The following RABGAP1L variants were observed in gnomAD, a reference collection of about 807,000 sequenced individuals.
RABGAP1L encodes the protein rab GTPase-activating protein 1-like.
RABGAP1L carries 63 observed loss-of-function variants against 137.7 expected under a neutral mutation model. That is an observed-to-expected ratio of 0.46 (90% CI 0.37 to 0.56). The LOEUF is 0.56. Ranked by LOEUF, RABGAP1L falls within the 20% of genes least tolerant of loss-of-function variation. The pLI is 0.00. For synonymous variants in RABGAP1L, 431 were observed against 433.7 expected (o/e 0.99, Z 0.08); for missense variants, 1,095 against 1,244.0 (o/e 0.88, Z 1.80).
chr1:174,211,332 A>G (rs2148432093), intron 1 of RABGAP1L, among the ~76,000 whole-genome samples: 1 of 152,314 alleles, frequency 6.6e-6, no homozygotes, highest in South Asian at 2.1e-4. Flanking sequence ...ACAAGAAAAG[A>G]TTAAGCAGGG....
Position 174,923,210 on chromosome 1 carries a change from ATATGCTTAT to A in RABGAP1L, c.2341-34246_2341-34238del, listed in dbSNP as rs571094062. 4.4e-4 allele frequency among the ~76,000 whole-genome samples: 67 copies of A among 152,204 alleles called. No homozygotes were observed. In the South Asian group the frequency reaches 0.013, roughly 31 times the overall value. ...AGAAATAAATAAGGTAAGGTGTGTT[ATATGCTTAT>A]AATAGCACATGGGACATAGGAAATC... On this transcript the variant is annotated intron_variant, in intron 19 of 25. Transcript: ENST00000681986.
chr1:174,718,638 A>T (rs1279561966), intron 17 of RABGAP1L, among the ~76,000 whole-genome samples: 2 of 152,122 alleles, frequency 1.3e-5, no homozygotes, highest in Non-Finnish European at 1.5e-5. Context: ...TAATGGCAAT[A>T]AAACGTTCCT....
chr1:174,751,004 T>G (rs1335154986), intron 17 of RABGAP1L, among the ~76,000 whole-genome samples: 1 of 152,188 alleles, frequency 6.6e-6, no homozygotes, highest in African/African-American at 2.4e-5. Flanking sequence ...ATAGTCTTTT[T>G]TTTCTAATTG....
At position 174,383,560 on chromosome 1, in the gene RABGAP1L, C is replaced by T. The variant is rs918716151; in HGVS notation, c.1560-10435C>T. On this transcript the variant is annotated intron_variant, in intron 12 of 25. Transcript: ENST00000681986. ...TGGGAGTGACCCGATTTTCCAGGTG[C>T]GTCCGTCACCGCTTTCTTTGACTGG... is the stretch of plus-strand genomic sequence containing the variant. Among the ~76,000 whole-genome samples the T allele has an allele frequency of 7.2e-5, 11 of 152,254 alleles. No individual in the cohort carries two copies. The East Asian group carries it at 9.7e-4, about 13-fold the overall frequency.
At chr1:174,301,559 C>T (rs1275824968) in intron 10 of RABGAP1L, among the ~76,000 whole-genome samples, 1 of 151,690 alleles carries the variant, frequency 6.6e-6, no homozygotes, top group Non-Finnish European at 1.5e-5. Flanking sequence ...GTTCTTGTCC[C>T]ATGACCAAGA....
chr1:174,700,980 A>G, intron 16 of RABGAP1L: 3 of 1,106,242 alleles, frequency 2.7e-6, no homozygotes, highest in Non-Finnish European at 3.5e-6. Context: ...TTTTCAGTTA[A>G]CTGAATGAGC....
intron 11 of RABGAP1L, among the ~76,000 whole-genome samples, chr1:174,336,597 T>G (rs1175478413): frequency 6.6e-6 from 1 of 152,226 alleles, no homozygotes; most frequent in Non-Finnish European, 1.5e-5. Flanking sequence ...AAACGAAGCT[T>G]TATTTTATAG....
chr1:174,246,947 A>T (rs1219349186), intron 5 of RABGAP1L, among the ~76,000 whole-genome samples: 1 of 152,270 alleles, frequency 6.6e-6, no homozygotes, highest in Non-Finnish European at 1.5e-5. Context: ...AAGACATAGT[A>T]TTAAATGCAA....
At chr1:174,935,143 T>TAAACTG (rs1316951104) in intron 19 of RABGAP1L, 3 of 152,232 alleles carry the variant, frequency 2.0e-5, no homozygotes, top group Non-Finnish European at 2.9e-5. Context: ...ACCTGAATTT[T>TAAACTG]AAAATGGTTT....
At chr1:174,658,523 A>C (rs1056056470) in intron 14 of RABGAP1L, among the ~76,000 whole-genome samples, 2 of 151,924 alleles carry the variant, frequency 1.3e-5, no homozygotes, top group Non-Finnish European at 2.9e-5. Flanking sequence ...TATATATCCA[A>C]TCTCTCATTA....
At chr1:174,376,734 A>G (rs980100067) in intron 12 of RABGAP1L, among the ~76,000 whole-genome samples, 2 of 152,226 alleles carry the variant, frequency 1.3e-5, no homozygotes, top group Non-Finnish European at 2.9e-5. Context: ...AAAGGTACCT[A>G]TGAAAAACCT....
At chr1:174,590,281 T>C (rs1254205343) in intron 13 of RABGAP1L, among the ~76,000 whole-genome samples, 4 of 150,914 alleles carry the variant, frequency 2.7e-5, no homozygotes, top group Non-Finnish European at 5.9e-5. Context: ...AATATGAGAC[T>C]GTAAAGTTAT....
At chr1:174,463,345 A>G (rs1055779838) in intron 13 of RABGAP1L, among the ~76,000 whole-genome samples, 2 of 152,150 alleles carry the variant, frequency 1.3e-5, no homozygotes, top group African/African-American at 4.8e-5. Context: ...AAAAATGATG[A>G]GTTCATGTCC....
intron 14 of RABGAP1L, among the ~76,000 whole-genome samples, chr1:174,665,909 G>A (rs1676755739): frequency 6.6e-6 from 1 of 152,214 alleles, no homozygotes; most frequent in Non-Finnish European, 1.5e-5. Flanking sequence ...TATTTAACAG[G>A]TAGAGAAATT....
chr1:174,622,033 A>G (rs1472391667), intron 13 of RABGAP1L, among the ~76,000 whole-genome samples: 1 of 152,256 alleles, frequency 6.6e-6, no homozygotes, highest in African/African-American at 2.4e-5. Context: ...CCCATCAAAG[A>G]GTGGGCGAAG....
At chr1:174,887,584 A>G (rs1655371856) in intron 19 of RABGAP1L, among the ~76,000 whole-genome samples, 1 of 141,836 alleles carries the variant, frequency 7.1e-6, no homozygotes, top group Admixed American at 7.0e-5. Context: ...CCTGATCCAT[A>G]TTTATAGCCC....
chr1:174,556,321 A>C (rs1572312064), intron 13 of RABGAP1L, among the ~76,000 whole-genome samples: 2 of 152,142 alleles, frequency 1.3e-5, no homozygotes, highest in African/African-American at 4.8e-5. Context: ...AAATTATTTC[A>C]TTACATATGT....
chr1:174,514,064 A>G (rs920129432), intron 13 of RABGAP1L, among the ~76,000 whole-genome samples: 1 of 152,118 alleles, frequency 6.6e-6, no homozygotes, highest in African/African-American at 2.4e-5. Context: ...GCAGGAACCT[A>G]AGGGCAAAAT....
chr1:174,259,120 T>C (rs1301174811), intron 7 of RABGAP1L, among the ~76,000 whole-genome samples: 1 of 152,030 alleles, frequency 6.6e-6, no homozygotes, highest in Non-Finnish European at 1.5e-5. Context: ...AAAAATATAT[T>C]ATGAAAGAAG....
Sources: allele counts gnomAD v4.1 joint callset (sites outside exome capture counted in the v4.1 genomes callset), GRCh38; gene constraint gnomAD v4.1.1; transcripts MANE v1.5; gene names NCBI Gene and HGNC (gene_info 2026-07-23, HGNC 2026-07-21).